The following XKR6 variants were observed in gnomAD, a reference collection of about 807,000 sequenced individuals.
XKR6 encodes XK-related protein 6.
In XKR6, 22 loss-of-function variants were observed where a neutral mutation model predicts 56.7. The observed-to-expected ratio is 0.39, with a 90% CI of 0.28 to 0.55. The LOEUF (loss-of-function observed/expected upper bound fraction) is 0.55. Ranked by LOEUF, XKR6 falls within the 20% of genes least tolerant of loss-of-function variation. The probability of loss-of-function intolerance (pLI) is 0.66; values close to 1 mark genes in which losing one functional copy is unlikely to be tolerated. For synonymous variants in XKR6, 524 were observed against 387.8 expected (o/e 1.35, Z -4.13); for missense variants, 852 against 889.0 (o/e 0.96, Z 0.53).
At chr8:11,043,149 T>C (rs577976366) in intron 1 of XKR6, among the ~76,000 whole-genome samples, 2 of 151,972 alleles carry the variant, frequency 1.3e-5, no homozygotes, top group South Asian at 2.1e-4. Flanking sequence ...TATTTAAACC[T>C]ATACAATATA....
At chr8:11,118,486 G>C (rs1799286885) in intron 1 of XKR6, among the ~76,000 whole-genome samples, 1 of 152,124 alleles carries the variant, frequency 6.6e-6, no homozygotes, top group African/African-American at 2.4e-5. Context: ...CAATTTCAGA[G>C]CCTGTTATTG....
At position 11,188,243 on chromosome 8, in the gene XKR6, T is replaced by C. The variant is rs117913005; in HGVS notation, c.764+12333A>G. ...GCCTGACACATATCACATTTAATCA[T>C]AAAGGCCTGCTTGGGTACACACCAA... is the stretch of plus-strand genomic sequence containing the variant. On this transcript the variant is annotated intron_variant, in intron 1 of 2. Coordinates refer to ENST00000416569, the MANE Select transcript of XKR6 (RefSeq NM_173683.4). 1.4e-4 allele frequency among the ~76,000 whole-genome samples: 22 copies of C among 152,316 alleles called. No homozygotes were observed. The East Asian group carries it at 3.9e-3, about 27-fold the overall frequency.
At chr8:11,059,291 T>C (rs879577533) in intron 1 of XKR6, among the ~76,000 whole-genome samples, 3 of 151,586 alleles carry the variant, frequency 2.0e-5, no homozygotes, top group Non-Finnish European at 4.4e-5. Flanking sequence ...AAATCTTTGT[T>C]GAGCGAATGA....
Position 11,039,896 on chromosome 8 carries a change from G to T in XKR6, c.765-115066C>A, listed in dbSNP as rs557529475. Among the ~76,000 whole-genome samples, 4 of 152,230 alleles carry T rather than the reference G, an allele frequency of 2.6e-5. No individual in the cohort carries two copies. In the East Asian group the frequency reaches 7.7e-4, roughly 29 times the overall value. ...CCAAAGAGCAAAAGGACATCAGCCC[G>T]TTAGCGGAACAAGCTTCCTGTCCAT... On this transcript the variant is annotated intron_variant, in intron 1 of 2. Coordinates refer to ENST00000416569, the MANE Select transcript of XKR6 (RefSeq NM_173683.4).
intron 1 of XKR6, among the ~76,000 whole-genome samples, chr8:11,102,414 CATT>C (rs1487959156): frequency 6.6e-6 from 1 of 152,170 alleles, no homozygotes; most frequent in Non-Finnish European, 1.5e-5. Context: ...TTTACTTAAA[CATT>C]ATGTCCAGCT....
At chr8:11,012,459 T>C (rs1317359328) in intron 1 of XKR6, among the ~76,000 whole-genome samples, 1 of 152,202 alleles carries the variant, frequency 6.6e-6, no homozygotes, top group African/African-American at 2.4e-5. Flanking sequence ...TAACTGTTAG[T>C]ATCTATCATT....
chr8:11,193,337 A>G (rs1416952755), intron 1 of XKR6, among the ~76,000 whole-genome samples: 2 of 152,236 alleles, frequency 1.3e-5, no homozygotes, highest in African/African-American at 4.8e-5. Flanking sequence ...CAATGAGAAG[A>G]AATTTTTTGT....
chr8:11,182,861 A>C (rs1352392376), intron 1 of XKR6, among the ~76,000 whole-genome samples: 1 of 152,192 alleles, frequency 6.6e-6, no homozygotes, highest in Non-Finnish European at 1.5e-5. Context: ...CCATATTAAC[A>C]GTAACTCCAC....
intron 1 of XKR6, among the ~76,000 whole-genome samples, chr8:10,927,414 G>T (rs1027623601): frequency 6.6e-6 from 1 of 152,122 alleles, no homozygotes; most frequent in Non-Finnish European, 1.5e-5. Flanking sequence ...ATGAGCCACA[G>T]ATCACTCCAG....
At chr8:11,190,761 G>A (rs780971605) in intron 1 of XKR6, among the ~76,000 whole-genome samples, 2 of 152,130 alleles carry the variant, frequency 1.3e-5, no homozygotes, top group African/African-American at 4.8e-5. Flanking sequence ...AACTAATTCT[G>A]TCCCGCCCAC....
chr8:11,061,226 G>T (rs1799825891), intron 1 of XKR6, among the ~76,000 whole-genome samples: 1 of 152,198 alleles, frequency 6.6e-6, no homozygotes, highest in South Asian at 2.1e-4. Context: ...CACTTTGGGA[G>T]GCCCAGGTGA....
chr8:11,125,248 G>A (rs561138111), intron 1 of XKR6, among the ~76,000 whole-genome samples: 5 of 152,096 alleles, frequency 3.3e-5, no homozygotes, highest in Non-Finnish European at 4.4e-5. Context: ...CGGAGGCGAG[G>A]CAACCGCTGC....
chr8:10,919,035 C>A (rs951337387), intron 2 of XKR6, among the ~76,000 whole-genome samples: 8 of 152,204 alleles, frequency 5.3e-5, no homozygotes, highest in East Asian at 3.9e-4. Flanking sequence ...TCCTCTGCAG[C>A]CCCTCCCACT....
intron 1 of XKR6, among the ~76,000 whole-genome samples, chr8:11,097,807 CAAAA>C (rs1196874380): frequency 1.3e-4 from 8 of 62,952 alleles, no homozygotes; most frequent in East Asian, 1.0e-3. Flanking sequence ...GACTCCATCT[CAAAA>C]AAAAAAAAAA....
At chr8:11,147,473 T>C (rs772291456) in intron 1 of XKR6, among the ~76,000 whole-genome samples, 2 of 151,704 alleles carry the variant, frequency 1.3e-5, no homozygotes, top group African/African-American at 2.4e-5. Flanking sequence ...CTGGCCAACA[T>C]GGTGAAACCC....
intron 2 of XKR6, among the ~76,000 whole-genome samples, chr8:10,921,761 AGAT>A (rs1271100261): frequency 6.6e-6 from 1 of 152,156 alleles, no homozygotes; most frequent in African/African-American, 2.4e-5. Context: ...GAAGAGGAAA[AGAT>A]GAGAGGAGGC....
chr8:11,191,964 G>A (rs59608585), intron 1 of XKR6, among the ~76,000 whole-genome samples: 330 of 152,216 alleles, frequency 2.2e-3, no homozygotes, highest in African/African-American at 7.4e-3. Flanking sequence ...TTGAGGTGAA[G>A]TATTTAGAGG....
intron 1 of XKR6, among the ~76,000 whole-genome samples, chr8:11,070,358 C>CTAAAT (rs1800084741): frequency 1.3e-5 from 2 of 152,184 alleles, no homozygotes; most frequent in Admixed American, 1.3e-4. Context: ...AATATTTCCT[C>CTAAAT]AGTGACTCTA....
intron 1 of XKR6, chr8:11,123,892 A>G (rs1027017761): frequency 8.8e-6 from 4 of 456,044 alleles, no homozygotes; most frequent in Admixed American, 2.4e-5. Context: ...CTCTTCTGGG[A>G]CTGCCCTTCC....
Sources: gnomAD v4.1 joint callset for allele counts (sites outside exome capture counted in the v4.1 genomes callset) on GRCh38, gnomAD v4.1.1 for gene constraint, MANE v1.5 for transcripts, NCBI Gene and HGNC (gene_info 2026-07-23, HGNC 2026-07-21) for gene names.